Variants in SETBP1 observed in about 807,000 individuals in gnomAD.
The protein encoded by SETBP1 is SET binding protein 1.
In SETBP1, 9 loss-of-function variants were observed where a neutral mutation model predicts 101.0. The observed-to-expected ratio is 0.09, with a 90% confidence interval of 0.05 to 0.16. SETBP1 has a LOEUF of 0.16. Among genes scored for constraint, SETBP1 ranks in the 10% least tolerant of loss-of-function variants. The pLI is 1.00. For synonymous variants in SETBP1, 818 were observed against 788.5 expected (o/e 1.04, Z -0.63); for missense variants, 1,858 against 2,033.8 (o/e 0.91, Z 1.66).
rs181333335 is a variant in SETBP1 at position 44,692,881 on chromosome 18, C to T, written c.-172-8294C>T. Among the ~76,000 whole-genome samples the T allele has an allele frequency of 5.9e-5, 9 of 152,216 alleles. No individual in the cohort carries two copies. The East Asian group carries it at 1.2e-3, about 20-fold the overall frequency. ...TGGGACTTGGGAGATCTGCAGCTTA[C>T]GAGATGCTGCTAGAGCATGTGGTAG... On this transcript the variant is annotated intron_variant, in intron 1 of 5. Coordinates refer to ENST00000649279, the MANE Select transcript of SETBP1 (RefSeq NM_015559.3).
intron 4 of SETBP1, among the ~76,000 whole-genome samples, chr18:45,024,273 A>G (rs1419596335): frequency 6.6e-6 from 1 of 152,230 alleles, no homozygotes; most frequent in East Asian, 1.9e-4. Flanking sequence ...TGGAGACAAG[A>G]TGCCAGTTCA....
chr18:44,958,236 T>C (rs2071534325), intron 4 of SETBP1, among the ~76,000 whole-genome samples: 1 of 152,250 alleles, frequency 6.6e-6, no homozygotes, highest in Non-Finnish European at 1.5e-5. Flanking sequence ...TTGACCATGT[T>C]GACCAAATAG....
At chr18:44,786,662 T>A (rs2071244929) in intron 2 of SETBP1, among the ~76,000 whole-genome samples, 1 of 152,190 alleles carries the variant, frequency 6.6e-6, no homozygotes, top group Admixed American at 6.5e-5. Flanking sequence ...AGCAGCTCCT[T>A]TGGGCAAAGA....
chr18:44,805,423 TGTGTGTGTGTGG>T (rs1333151512), intron 2 of SETBP1, among the ~76,000 whole-genome samples: 7 of 151,820 alleles, frequency 4.6e-5, no homozygotes, highest in African/African-American at 1.7e-4. Context: ...TGTGTGTGTG[TGTGTGTGTGTGG>T]GTGTGTTTGT....
chr18:44,970,298 T>C (rs999400254), intron 4 of SETBP1: 11 of 154,468 alleles, frequency 7.1e-5, no homozygotes, highest in Admixed American at 3.3e-4. Context: ...TGCCTGTGTT[T>C]GCAAATCCAA....
At chr18:45,035,812 G>A (rs1158235901) in intron 4 of SETBP1, among the ~76,000 whole-genome samples, 1 of 152,104 alleles carries the variant, frequency 6.6e-6, no homozygotes, top group Non-Finnish European at 1.5e-5. Flanking sequence ...CCATCCATTC[G>A]GTGGGAATGC....
chr18:45,013,412 C>CTCTTTCTTTCTTTCTTTCTT (rs113573331), intron 4 of SETBP1, among the ~76,000 whole-genome samples: 22 of 151,492 alleles, frequency 1.5e-4, no homozygotes, highest in African/African-American at 5.1e-4. Flanking sequence ...CTGTTTCTGA[C>CTCTTTCTTTCTTTCTTTCTT]TCTTTCTTTC....
At chr18:44,781,104 G>A (rs774102560) in intron 2 of SETBP1, among the ~76,000 whole-genome samples, 26 of 152,178 alleles carry the variant, frequency 1.7e-4, no homozygotes, top group Non-Finnish European at 1.3e-4. Context: ...TAGGAACAGG[G>A]TACAGGGTAT....
intron 2 of SETBP1, among the ~76,000 whole-genome samples, chr18:44,735,913 A>G (rs781288426): frequency 2.0e-5 from 3 of 152,186 alleles, no homozygotes; most frequent in Non-Finnish European, 2.9e-5. Flanking sequence ...TTTCAGCCTG[A>G]GGAACATATA....
At chr18:45,016,301 C>T (rs1029354396) in intron 4 of SETBP1, among the ~76,000 whole-genome samples, 9 of 152,122 alleles carry the variant, frequency 5.9e-5, no homozygotes, top group South Asian at 2.1e-4. Flanking sequence ...AACAGCAGGG[C>T]GGGCTAAGCC....
intron 3 of SETBP1, among the ~76,000 whole-genome samples, chr18:44,911,939 A>ACC (rs1555699023): frequency 3.2e-5 from 4 of 123,742 alleles, no homozygotes; most frequent in Non-Finnish European, 5.3e-5. Context: ...GCATACACAC[A>ACC]CCCACACACA....
intron 3 of SETBP1, among the ~76,000 whole-genome samples, chr18:44,896,497 C>A (rs1473022072): frequency 6.6e-6 from 1 of 152,080 alleles, no homozygotes; most frequent in African/African-American, 2.4e-5. Context: ...CACTCTACAT[C>A]CAAGTTTTTT....
At chr18:44,941,836 C>T (rs190800424) in intron 3 of SETBP1, among the ~76,000 whole-genome samples, 104 of 151,884 alleles carry the variant, frequency 6.8e-4, no homozygotes, top group Admixed American at 5.2e-3. Context: ...GTAGTCGTTG[C>T]GATCCTGAGA....
At chr18:44,959,874 A>G (rs1338057923) in intron 4 of SETBP1, among the ~76,000 whole-genome samples, 2 of 152,204 alleles carry the variant, frequency 1.3e-5, no homozygotes, top group Admixed American at 6.5e-5. Context: ...TGTAAGTGGA[A>G]ACACCCAAGA....
intron 2 of SETBP1, among the ~76,000 whole-genome samples, chr18:44,864,977 G>A (rs1456572068): frequency 6.6e-6 from 1 of 152,020 alleles, no homozygotes; most frequent in Non-Finnish European, 1.5e-5. Flanking sequence ...CAAGGCAGTG[G>A]CTTTGAGGAG....
intron 2 of SETBP1, among the ~76,000 whole-genome samples, chr18:44,711,884 A>G (rs775583759): frequency 1.3e-4 from 19 of 151,944 alleles, no homozygotes; most frequent in Non-Finnish European, 2.2e-4. Flanking sequence ...ACCCCAGTGG[A>G]TCTCGCCCTA....
At chr18:44,992,628 G>A (rs1013726534) in intron 4 of SETBP1, among the ~76,000 whole-genome samples, 7 of 151,940 alleles carry the variant, frequency 4.6e-5, no homozygotes, top group African/African-American at 7.2e-5. Context: ...CTTGGGAAAA[G>A]AATATAACTT....
chr18:44,681,423 CTGTT>C (rs1227773944), intron 1 of SETBP1, among the ~76,000 whole-genome samples: 2 of 152,100 alleles, frequency 1.3e-5, no homozygotes, highest in African/African-American at 2.4e-5. Flanking sequence ...TTTTCAGTGT[CTGTT>C]TGTGATGGAA....
At chr18:44,880,478 T>C (rs1320587463) in intron 3 of SETBP1, among the ~76,000 whole-genome samples, 1 of 152,138 alleles carries the variant, frequency 6.6e-6, no homozygotes, top group Non-Finnish European at 1.5e-5. Flanking sequence ...GTAAAGAACA[T>C]GGGGTGAGCA....
Sources: allele counts gnomAD v4.1 joint callset (sites outside exome capture counted in the v4.1 genomes callset), GRCh38; gene constraint gnomAD v4.1.1; transcripts MANE v1.5; gene names NCBI Gene and HGNC (gene_info 2026-07-23, HGNC 2026-07-21).